Variants in METTL15 observed in about 807,000 individuals in gnomAD.
METTL15 encodes the protein 12S rRNA N(4)-cytidine methyltransferase METTL15.
A neutral mutation model predicts 38.3 loss-of-function variants in METTL15; 34 were observed. The ratio of observed to expected loss-of-function variants is 0.89; its 90% CI spans 0.68 to 1.18. The LOEUF is 1.18. Ranked by LOEUF, METTL15 falls within the 50% of genes most tolerant of loss-of-function variation. The pLI, the probability that METTL15 is intolerant of heterozygous loss-of-function variation, is 0.00. For synonymous variants in METTL15, 162 were observed against 170.9 expected (o/e 0.95, Z 0.41); for missense variants, 438 against 498.4 (o/e 0.88, Z 1.15).
At chr11:28,482,167 C>T (rs1475108877) in intron 6 of METTL15, among the ~76,000 whole-genome samples, 1 of 152,204 alleles carries the variant, frequency 6.6e-6, no homozygotes. Context: ...GCTGTCTTCA[C>T]TTCTCTAATG....
intron 4 of METTL15, among the ~76,000 whole-genome samples, chr11:28,224,326 A>G (rs1393573321): frequency 6.6e-6 from 1 of 151,954 alleles, no homozygotes; most frequent in Non-Finnish European, 1.5e-5. Context: ...ACTGCATTTT[A>G]AAGAATTGAC....
intron 6 of METTL15, among the ~76,000 whole-genome samples, chr11:28,325,489 A>T (rs1199076485): frequency 6.6e-6 from 1 of 152,166 alleles, no homozygotes; most frequent in Non-Finnish European, 1.5e-5. Context: ...GGCCGTACAC[A>T]CCCGATGATG....
At chr11:28,224,070 G>T (rs562229240) in intron 4 of METTL15, among the ~76,000 whole-genome samples, 2 of 152,032 alleles carry the variant, frequency 1.3e-5, no homozygotes, top group African/African-American at 2.4e-5. Flanking sequence ...TATAAAAGAA[G>T]ATATGCATAC....
intron 4 of METTL15, among the ~76,000 whole-genome samples, chr11:28,253,610 G>GCCCCCCC (rs1854841854): frequency 8.7e-6 from 1 of 115,140 alleles, no homozygotes; most frequent in Non-Finnish European, 1.7e-5. Context: ...CCAACCCCCA[G>GCCCCCCC]CCCCATCTCC....
chr11:28,459,289 A>T (rs757522245), intron 6 of METTL15, among the ~76,000 whole-genome samples: 1 of 152,192 alleles, frequency 6.6e-6, no homozygotes, highest in Non-Finnish European at 1.5e-5. Context: ...TTCTGTCTTC[A>T]TAAGCCTCTG....
chr11:28,353,830 CAGG>C (rs1164005137), intron 4 of METTL15, among the ~76,000 whole-genome samples: 2 of 149,142 alleles, frequency 1.3e-5, no homozygotes, highest in African/African-American at 5.0e-5. Flanking sequence ...GAGGCTGAGG[CAGG>C]AGAATGGCGT....
chr11:28,147,214 G>A (rs1337920562), intron 3 of METTL15, among the ~76,000 whole-genome samples: 1 of 151,824 alleles, frequency 6.6e-6, no homozygotes, highest in African/African-American at 2.4e-5. Context: ...ATAATCAAAT[G>A]TGAATCTTGA....
intron 6 of METTL15, among the ~76,000 whole-genome samples, chr11:28,480,222 G>A (rs1428311790): frequency 1.3e-5 from 2 of 152,010 alleles, no homozygotes; most frequent in Non-Finnish European, 1.5e-5. Context: ...ACTCAACAAA[G>A]CAATACAGCA....
At chr11:28,429,955 C>G (rs1218926664) in intron 6 of METTL15, among the ~76,000 whole-genome samples, 1 of 121,320 alleles carries the variant, frequency 8.2e-6, no homozygotes, top group East Asian at 2.6e-4. Flanking sequence ...AAGTGAGGAG[C>G]GTCTCTGCCC....
At position 28,108,423 on chromosome 11, in the gene METTL15, C is replaced by CG. The variant is rs1851576399; in HGVS notation, c.-280dup. On this transcript the variant is annotated 5_prime_UTR_variant, in exon 1 of 7. Coordinates refer to ENST00000407364, the MANE Select transcript of METTL15 (RefSeq NM_001113528.2). ...GATCACCAGGCCTCCTGTAGACCGG[C>CG]GGGTGCAGGGCCCGGTCCCAGAGTT... 6.6e-6 allele frequency: 1 copy of CG among 152,444 alleles called. No homozygotes were observed. Among genetic ancestry groups the CG allele is most frequent in the Non-Finnish European group, 1.5e-5 (1 of 68,238 alleles). 9.4% of individuals were successfully genotyped at this position (152,444 alleles called of 1,614,324 possible). A position where few individuals can be genotyped will look rare whatever the true frequency, so the allele number is the denominator to read the frequency against.
intron 5 of METTL15, among the ~76,000 whole-genome samples, chr11:28,387,476 C>G (rs557093557): frequency 6.5e-4 from 99 of 151,832 alleles, no homozygotes; most frequent in Admixed American, 1.2e-3. Flanking sequence ...ACCATGCAAA[C>G]TACCAAAACC....
chr11:28,155,349 G>T (rs1440022488), intron 3 of METTL15, among the ~76,000 whole-genome samples: 1 of 152,174 alleles, frequency 6.6e-6, no homozygotes, highest in Non-Finnish European at 1.5e-5. Context: ...ACAAGGGGTG[G>T]AGGAGAGAAC....
chr11:28,198,433 G>T (rs905565372), intron 3 of METTL15, among the ~76,000 whole-genome samples: 3 of 152,050 alleles, frequency 2.0e-5, no homozygotes, highest in Non-Finnish European at 4.4e-5. Context: ...GACAAGTAAA[G>T]ATTTATTTTG....
At chr11:28,403,588 A>AGGTGGAATATTGCCCAAT (rs375437005) in intron 5 of METTL15, among the ~76,000 whole-genome samples, 109 of 152,134 alleles carry the variant, frequency 7.2e-4, no homozygotes, top group African/African-American at 2.5e-3. Context: ...AGTCAGTATT[A>AGGTGGAATATTGCCCAAT]GGTGGAATAT....
intron 3 of METTL15, among the ~76,000 whole-genome samples, chr11:28,169,063 A>G (rs1565138327): frequency 6.6e-6 from 1 of 152,196 alleles, no homozygotes; most frequent in Admixed American, 6.5e-5. Flanking sequence ...GAAGTTTCAC[A>G]AGGTAAAGTG....
At chr11:28,254,372 T>C (rs1375459044) in intron 4 of METTL15, among the ~76,000 whole-genome samples, 1 of 152,184 alleles carries the variant, frequency 6.6e-6, no homozygotes, top group Non-Finnish European at 1.5e-5. Flanking sequence ...CCTTATATAT[T>C]CTGGTTGTTA....
intron 3 of METTL15, among the ~76,000 whole-genome samples, chr11:28,174,722 G>T (rs570107025): frequency 2.0e-5 from 3 of 151,774 alleles, no homozygotes; most frequent in African/African-American, 7.2e-5. Context: ...GGCTGAGGCG[G>T]GAGAATGGTA....
chr11:28,148,038 C>T (rs1405943466), intron 3 of METTL15, among the ~76,000 whole-genome samples: 1 of 151,824 alleles, frequency 6.6e-6, no homozygotes, highest in Non-Finnish European at 1.5e-5. Flanking sequence ...TATCCAACCT[C>T]ATTTTATTCA....
intron 6 of METTL15, among the ~76,000 whole-genome samples, chr11:28,310,935 G>C (rs1366810366): frequency 1.8e-4 from 25 of 140,444 alleles, no homozygotes; most frequent in Admixed American, 2.8e-4. Context: ...GGTGGTGGTG[G>C]TGGTGGTGGT....
Sources: gnomAD v4.1 joint callset for allele counts (sites outside exome capture counted in the v4.1 genomes callset) on GRCh38, gnomAD v4.1.1 for gene constraint, MANE v1.5 for transcripts, NCBI Gene and HGNC (gene_info 2026-07-23, HGNC 2026-07-21) for gene names.